The following GALNTL6 variants were observed in gnomAD, a reference collection of about 807,000 sequenced individuals.
The protein encoded by GALNTL6 is polypeptide N-acetylgalactosaminyltransferase-like 6.
GALNTL6 carries 46 observed loss-of-function variants against 73.7 expected under a neutral mutation model. The ratio of observed to expected loss-of-function variants is 0.62; its 90% CI spans 0.49 to 0.80. The LOEUF (loss-of-function observed/expected upper bound fraction) is 0.80. Among genes scored for constraint, GALNTL6 ranks in the 30% least tolerant of loss-of-function variants. The probability of loss-of-function intolerance (pLI) is 0.00; values close to 1 mark genes in which losing one functional copy is unlikely to be tolerated. For synonymous variants in GALNTL6, 259 were observed against 263.7 expected (o/e 0.98, Z 0.17); for missense variants, 604 against 755.0 (o/e 0.80, Z 2.34).
intron 2 of GALNTL6, among the ~76,000 whole-genome samples, chr4:172,043,959 T>C (rs1181691251): frequency 1.3e-5 from 2 of 151,980 alleles, no homozygotes; most frequent in Non-Finnish European, 1.5e-5. Flanking sequence ...TAAAGAGATT[T>C]GTTAGTCTAC....
At chr4:172,472,556 G>T (rs1052139048) in intron 5 of GALNTL6, among the ~76,000 whole-genome samples, 2 of 152,080 alleles carry the variant, frequency 1.3e-5, no homozygotes, top group South Asian at 4.1e-4. Context: ...TGGAAACAGG[G>T]TCATTGCAGC....
chr4:171,948,055 TG>T (rs546601210), intron 2 of GALNTL6, among the ~76,000 whole-genome samples: 54 of 152,264 alleles, frequency 3.5e-4, no homozygotes, highest in South Asian at 1.5e-3. Context: ...AATAGTGAGA[TG>T]GGGGGAATAC....
intron 5 of GALNTL6, among the ~76,000 whole-genome samples, chr4:172,772,986 G>T (rs1204826756): frequency 4.6e-5 from 7 of 152,212 alleles, no homozygotes; most frequent in African/African-American, 1.2e-4. Context: ...AATGCTGGGT[G>T]CCAGCAGAAG....
chr4:171,970,563 A>C (rs906222298), intron 2 of GALNTL6, among the ~76,000 whole-genome samples: 13 of 152,196 alleles, frequency 8.5e-5, no homozygotes, highest in Admixed American at 5.2e-4. Flanking sequence ...TTAGTGGAAA[A>C]CAAGGTAAAA....
At chr4:172,328,057 G>C (rs1395471690) in intron 4 of GALNTL6, among the ~76,000 whole-genome samples, 3 of 151,886 alleles carry the variant, frequency 2.0e-5, no homozygotes, top group Non-Finnish European at 4.4e-5. Flanking sequence ...GCTCTTTTCA[G>C]GATTTTTTAT....
At chr4:172,487,684 G>A (rs1174051510) in intron 5 of GALNTL6, among the ~76,000 whole-genome samples, 3 of 151,988 alleles carry the variant, frequency 2.0e-5, no homozygotes. Flanking sequence ...CACCACACCC[G>A]ACCATGTTTT....
chr4:172,326,927 G>A (rs930833640), intron 4 of GALNTL6, among the ~76,000 whole-genome samples: 1 of 151,760 alleles, frequency 6.6e-6, no homozygotes, highest in Admixed American at 6.6e-5. Flanking sequence ...TTTATTTATA[G>A]TATAAGTATT....
In GALNTL6 at chr4:172,233,979, G is replaced by T. The variant is rs541070668; in HGVS notation, c.247+4215G>T. ...TAATTTTGTTCTCAGATTATGTTTA[G>T]TATTAATCTTAGTAAACTAATATTA... On this transcript the variant is annotated intron_variant, in intron 3 of 12. Coordinates refer to ENST00000506823, the MANE Select transcript of GALNTL6 (RefSeq NM_001034845.3). Among the ~76,000 whole-genome samples the T allele has an allele frequency of 1.5e-3, 224 of 151,852 alleles. 1 individual carries two copies. The highest frequency in any genetic ancestry group is 5.0e-3 in the African/African-American group (206 of 41,460).
chr4:172,175,282 T>A (rs1408913046), intron 2 of GALNTL6, among the ~76,000 whole-genome samples: 1 of 152,064 alleles, frequency 6.6e-6, no homozygotes, highest in East Asian at 1.9e-4. Flanking sequence ...ACCAGACTAG[T>A]CTCAAACTCC....
intron 5 of GALNTL6, among the ~76,000 whole-genome samples, chr4:172,694,036 A>G (rs559605134): frequency 1.3e-5 from 2 of 152,328 alleles, no homozygotes; most frequent in African/African-American, 4.8e-5. Flanking sequence ...AACCTTTTCA[A>G]TGAAATTAGC....
intron 2 of GALNTL6, among the ~76,000 whole-genome samples, chr4:172,212,103 C>T (rs542369260): frequency 6.6e-6 from 1 of 152,284 alleles, no homozygotes; most frequent in African/African-American, 2.4e-5. Context: ...TTGTTTGATA[C>T]ATTAATATGG....
chr4:171,988,437 G>A (rs992938510), intron 2 of GALNTL6, among the ~76,000 whole-genome samples: 3 of 152,196 alleles, frequency 2.0e-5, no homozygotes, highest in Non-Finnish European at 2.9e-5. Context: ...AGCCTAATGG[G>A]TGTCAGGGTC....
intron 7 of GALNTL6, among the ~76,000 whole-genome samples, chr4:172,876,780 C>G (rs1256691300): frequency 5.9e-5 from 9 of 152,116 alleles, no homozygotes. Context: ...GTAAGCAATG[C>G]TTTCATACTT....
intron 5 of GALNTL6, among the ~76,000 whole-genome samples, chr4:172,749,145 A>G (rs564153968): frequency 6.6e-6 from 1 of 151,976 alleles, no homozygotes. Flanking sequence ...CTGGTCTCAA[A>G]CTATACAATT....
chr4:172,006,628 GGAAAA>G (rs749470674), intron 2 of GALNTL6, among the ~76,000 whole-genome samples: 207 of 151,532 alleles, frequency 1.4e-3, no homozygotes, highest in Non-Finnish European at 2.0e-3. Context: ...GTCCAAAAAA[GGAAAA>G]GAAAAGAAAA....
chr4:172,003,014 G>A (rs537181037), intron 2 of GALNTL6, among the ~76,000 whole-genome samples: 2 of 152,014 alleles, frequency 1.3e-5, no homozygotes, highest in South Asian at 2.1e-4. Flanking sequence ...ATCAATTATC[G>A]ATTAAGGGAG....
At chr4:172,530,590 A>G (rs1039317862) in intron 5 of GALNTL6, among the ~76,000 whole-genome samples, 1 of 152,170 alleles carries the variant, frequency 6.6e-6, no homozygotes, top group East Asian at 1.9e-4. Flanking sequence ...GTTCCCTCAC[A>G]GAGGGTCAGA....
intron 2 of GALNTL6, among the ~76,000 whole-genome samples, chr4:172,045,638 G>T (rs913046840): frequency 1.5e-4 from 23 of 151,700 alleles, no homozygotes; most frequent in African/African-American, 5.6e-4. Context: ...TTAGGCATGT[G>T]AACTGATATT....
intron 2 of GALNTL6, among the ~76,000 whole-genome samples, chr4:171,827,710 A>G (rs2110817363): frequency 6.6e-6 from 1 of 152,300 alleles, no homozygotes; most frequent in South Asian, 2.1e-4. Context: ...ATCTAAAGGA[A>G]GTAACCTGGA....
Sources: gnomAD v4.1 joint callset for allele counts (sites outside exome capture counted in the v4.1 genomes callset) on GRCh38, gnomAD v4.1.1 for gene constraint, MANE v1.5 for transcripts, NCBI Gene and HGNC (gene_info 2026-07-23, HGNC 2026-07-21) for gene names.